SETBP1: variants seen among roughly 807,000 people sequenced by gnomAD.
SETBP1 encodes SET-binding protein.
Under a neutral mutation model 101.0 loss-of-function variants are expected in SETBP1, and 9 were observed. The ratio of observed to expected loss-of-function variants is 0.09; its 90% CI spans 0.05 to 0.16. SETBP1 has a LOEUF of 0.16. Among genes scored for constraint, SETBP1 ranks in the 10% least tolerant of loss-of-function variants. SETBP1 has a pLI of 1.00. For synonymous variants in SETBP1, 818 were observed against 788.5 expected (o/e 1.04, Z -0.63); for missense variants, 1,858 against 2,033.8 (o/e 0.91, Z 1.66).
At chr18:44,971,013 C>T (rs949838960) in intron 4 of SETBP1, among the ~76,000 whole-genome samples, 1 of 151,830 alleles carries the variant, frequency 6.6e-6, no homozygotes, top group African/African-American at 2.4e-5. Flanking sequence ...TGCTATGCCT[C>T]CCCCCTCTCC....
At chr18:44,953,829 T>C (rs548540411) in intron 4 of SETBP1, among the ~76,000 whole-genome samples, 2 of 152,208 alleles carry the variant, frequency 1.3e-5, no homozygotes, top group African/African-American at 4.8e-5. Flanking sequence ...TAGAAGCTGA[T>C]GACCAGTGAA....
At chr18:44,971,633 C>A (rs540949976) in intron 4 of SETBP1, among the ~76,000 whole-genome samples, 2 of 152,258 alleles carry the variant, frequency 1.3e-5, no homozygotes, top group South Asian at 2.1e-4. Context: ...CCAGTGATGA[C>A]GAGCATTTTT....
At chr18:44,869,168 C>T (rs1381879827) in intron 2 of SETBP1, 62 bp from the exon 3 acceptor site, 30 of 1,439,106 alleles carry the variant, frequency 2.1e-5, no homozygotes, top group South Asian at 6.9e-5. Context: ...GGTCAGTTGT[C>T]GTGGGGATAC....
chr18:44,788,040 T>C (rs2071283409), intron 2 of SETBP1, among the ~76,000 whole-genome samples: 1 of 151,236 alleles, frequency 6.6e-6, no homozygotes, highest in Admixed American at 6.6e-5. Flanking sequence ...AGAGCTATGC[T>C]TTAGAGATCA....
At chr18:44,797,803 C>A (rs1188429615) in intron 2 of SETBP1, among the ~76,000 whole-genome samples, 1 of 152,080 alleles carries the variant, frequency 6.6e-6, no homozygotes, top group African/African-American at 2.4e-5. Flanking sequence ...GAGAACACAG[C>A]ATATTTTGCC....
intron 3 of SETBP1, chr18:44,871,651 G>T (rs991776494): frequency 6.6e-6 from 1 of 152,186 alleles, no homozygotes; most frequent in African/African-American, 2.4e-5. Flanking sequence ...CTTTTCTGTT[G>T]ATTTGTCTCT....
intron 4 of SETBP1, among the ~76,000 whole-genome samples, chr18:44,960,559 G>T (rs2071591331): frequency 6.6e-6 from 1 of 152,020 alleles, no homozygotes; most frequent in South Asian, 2.1e-4. Context: ...CCCCAGACTG[G>T]TCTTGAACTC....
chr18:44,864,746 G>A (rs1248121332), intron 2 of SETBP1, among the ~76,000 whole-genome samples: 1 of 151,970 alleles, frequency 6.6e-6, no homozygotes, highest in Non-Finnish European at 1.5e-5. Flanking sequence ...TAGCCATCCT[G>A]GGAAAAGACA....
intron 4 of SETBP1, among the ~76,000 whole-genome samples, chr18:44,958,034 A>G (rs2071529673): frequency 6.6e-6 from 1 of 152,214 alleles, no homozygotes; most frequent in South Asian, 2.1e-4. Context: ...CTCTCACACT[A>G]ACCAGCTGAA....
chr18:44,991,753 A>T (rs183769245), intron 4 of SETBP1, among the ~76,000 whole-genome samples: 1 of 152,316 alleles, frequency 6.6e-6, no homozygotes, highest in East Asian at 1.9e-4. Context: ...GATGAGTAAG[A>T]ATATAACAAA....
At chr18:45,021,736 C>A (rs143661295) in intron 4 of SETBP1, among the ~76,000 whole-genome samples, 207 of 152,302 alleles carry the variant, frequency 1.4e-3, no homozygotes, top group African/African-American at 4.8e-3. Flanking sequence ...ACATAACTCT[C>A]TCTAAGCCCT....
chr18:44,827,221 A>G (rs2072257516), intron 2 of SETBP1, among the ~76,000 whole-genome samples: 1 of 152,170 alleles, frequency 6.6e-6, no homozygotes, highest in African/African-American at 2.4e-5. Context: ...CTAATTAAGG[A>G]ACTTCCCAAT....
intron 2 of SETBP1, among the ~76,000 whole-genome samples, chr18:44,841,303 C>G (rs1489512359): frequency 6.6e-6 from 1 of 152,176 alleles, no homozygotes; most frequent in Non-Finnish European, 1.5e-5. Flanking sequence ...CGCATGGACT[C>G]TCCATGGAGT....
intron 2 of SETBP1, among the ~76,000 whole-genome samples, chr18:44,738,003 G>A (rs1412442716): frequency 6.6e-6 from 1 of 152,072 alleles, no homozygotes; most frequent in African/African-American, 2.4e-5. Flanking sequence ...TCTTTTTTGG[G>A]CTTGTCAATT....
chr18:44,948,530 T>TAGATAGATAGATA (rs1555705506), intron 3 of SETBP1, among the ~76,000 whole-genome samples: 1 of 29,544 alleles, frequency 3.4e-5, no homozygotes, highest in Non-Finnish European at 6.7e-5. Context: ...GATAGATAGA[T>TAGATAGATAGATA]GATAGATAGA....
At chr18:44,802,693 T>A (rs1410798819) in intron 2 of SETBP1, among the ~76,000 whole-genome samples, 1 of 152,136 alleles carries the variant, frequency 6.6e-6, no homozygotes, top group Non-Finnish European at 1.5e-5. Flanking sequence ...ATGTGTGGTT[T>A]GTCTCACAAA....
chr18:44,839,946 G>A (rs1479969456), intron 2 of SETBP1, among the ~76,000 whole-genome samples: 1 of 152,216 alleles, frequency 6.6e-6, no homozygotes, highest in African/African-American at 2.4e-5. Context: ...ATAGCAGCAG[G>A]AGCAGGAAAA....
intron 3 of SETBP1, among the ~76,000 whole-genome samples, chr18:44,880,043 T>C (rs564974090): frequency 1.3e-5 from 2 of 152,326 alleles, no homozygotes; most frequent in African/African-American, 4.8e-5. Context: ...TCCTACCCTG[T>C]GGAAGATTCA....
At chr18:45,023,635 T>A (rs1328077456) in intron 4 of SETBP1, among the ~76,000 whole-genome samples, 1 of 152,216 alleles carries the variant, frequency 6.6e-6, no homozygotes, top group Non-Finnish European at 1.5e-5. Context: ...TCGAAGTTAG[T>A]TAGGATGGCA....
Sources: allele counts gnomAD v4.1 joint callset (sites outside exome capture counted in the v4.1 genomes callset), GRCh38; gene constraint gnomAD v4.1.1; transcripts MANE v1.5; gene names NCBI Gene and HGNC (gene_info 2026-07-23, HGNC 2026-07-21).